The following APBB2 variants were observed in gnomAD, a reference collection of about 807,000 sequenced individuals.
The protein encoded by APBB2 is Fe65-like 1.
A neutral mutation model predicts 82.5 loss-of-function variants in APBB2; 38 were observed. The ratio of observed to expected loss-of-function variants is 0.46; its 90% CI spans 0.36 to 0.60. The LOEUF (loss-of-function observed/expected upper bound fraction) is 0.60, where lower values mean the gene tolerates loss of function less well. Ranked by LOEUF, APBB2 falls within the 20% of genes least tolerant of loss-of-function variation. APBB2 has a pLI of 0.00. For missense variants in APBB2, 772 were observed against 972.3 expected (o/e 0.79, Z 2.74); for synonymous variants, 341 against 368.2 (o/e 0.93, Z 0.85).
chr4:41,034,682 T>C (rs1332160043), intron 4 of APBB2, among the ~76,000 whole-genome samples: 1 of 152,236 alleles, frequency 6.6e-6, no homozygotes, highest in African/African-American at 2.4e-5. Flanking sequence ...CAAAGCATGA[T>C]CTAATTTGAG....
chr4:40,897,871 T>C (rs1774142418), intron 10 of APBB2, among the ~76,000 whole-genome samples: 1 of 152,116 alleles, frequency 6.6e-6, no homozygotes, highest in African/African-American at 2.4e-5. Context: ...TGGGAATAAA[T>C]GCTCATCTTG....
chr4:40,824,362 C>T (rs1415572660), intron 15 of APBB2, among the ~76,000 whole-genome samples: 1 of 152,108 alleles, frequency 6.6e-6, no homozygotes, highest in Non-Finnish European at 1.5e-5. Flanking sequence ...CCAGCTGTTT[C>T]CACAGTTTTT....
intron 4 of APBB2, among the ~76,000 whole-genome samples, chr4:41,034,606 T>A (rs935939315): frequency 6.6e-6 from 1 of 152,240 alleles, no homozygotes; most frequent in African/African-American, 2.4e-5. Flanking sequence ...ATTACAGGTG[T>A]GAGTCACGAC....
At chr4:40,823,914 A>G (rs1748892702) in intron 15 of APBB2, among the ~76,000 whole-genome samples, 155 bp from the exon 16 acceptor site, 1 of 152,196 alleles carries the variant, frequency 6.6e-6, no homozygotes, top group African/African-American at 2.4e-5. Flanking sequence ...ATGAAATACC[A>G]GCTTCTGGCC....
intron 12 of APBB2, among the ~76,000 whole-genome samples, chr4:40,838,497 G>T (rs1312676440): frequency 6.6e-6 from 1 of 152,070 alleles, no homozygotes; most frequent in Non-Finnish European, 1.5e-5. Flanking sequence ...CACCACACTT[G>T]GCTAATTTTT....
At chr4:40,979,775 T>C (rs971317734) in intron 6 of APBB2, among the ~76,000 whole-genome samples, 3 of 152,180 alleles carry the variant, frequency 2.0e-5, no homozygotes, top group African/African-American at 7.2e-5. Context: ...ACAAGTGTGC[T>C]TGGAAGAGGA....
intron 1 of APBB2, among the ~76,000 whole-genome samples, chr4:41,202,119 T>G (rs1368965760): frequency 1.3e-5 from 2 of 152,222 alleles, no homozygotes; most frequent in East Asian, 1.9e-4. Context: ...TCTGCAGCAT[T>G]AAGTACATTC....
intron 10 of APBB2, among the ~76,000 whole-genome samples, chr4:40,922,764 C>T (rs1055287734): frequency 6.6e-6 from 1 of 151,462 alleles, no homozygotes; most frequent in African/African-American, 2.4e-5. Context: ...GTGTATTCTA[C>T]CACATCCAGC....
intron 12 of APBB2, among the ~76,000 whole-genome samples, chr4:40,849,690 G>GAA (rs938248474): frequency 1.5e-4 from 22 of 149,774 alleles, no homozygotes; most frequent in African/African-American, 4.9e-4. Flanking sequence ...GATACAGTTT[G>GAA]AAAGAATATG....
intron 1 of APBB2, among the ~76,000 whole-genome samples, chr4:41,167,249 G>A (rs956997202): frequency 3.9e-5 from 6 of 152,262 alleles, no homozygotes; most frequent in South Asian, 4.1e-4. Context: ...CCAGAAGCTC[G>A]CCAAATCTCA....
intron 6 of APBB2, among the ~76,000 whole-genome samples, chr4:40,952,860 C>A (rs1234014183): frequency 6.6e-6 from 1 of 152,186 alleles, no homozygotes; most frequent in Non-Finnish European, 1.5e-5. Context: ...GTATCACGCG[C>A]CCTGTGTCCT....
At chr4:41,008,988 G>A (rs1319185786) in intron 6 of APBB2, among the ~76,000 whole-genome samples, 1 of 152,166 alleles carries the variant, frequency 6.6e-6, no homozygotes, top group Non-Finnish European at 1.5e-5. Flanking sequence ...GATCCATCTA[G>A]TTTCATACTC....
chr4:40,818,350 A>G (rs1746538814), intron 17 of APBB2, among the ~76,000 whole-genome samples: 1 of 152,196 alleles, frequency 6.6e-6, no homozygotes, highest in Non-Finnish European at 1.5e-5. Context: ...CAAATGAGTA[A>G]AAGTTGTTTC....
In APBB2 at chr4:41,020,933, C is replaced by G. The variant is rs760855929; in HGVS notation, c.20-6535G>C. On this transcript the variant is annotated intron_variant, in intron 5 of 17. Transcript: ENST00000508593. ...GGTCAGGGATAGTAAGAGATGCCGC[C>G]CAGCGTTTACAGGAAAAGGCTTCTG... 3.9e-5 allele frequency among the ~76,000 whole-genome samples: 6 copies of G among 152,122 alleles called. 1 individual carries two copies. Among genetic ancestry groups the G allele is most frequent in the Admixed American group, 2.0e-4 (3 of 15,284 alleles).
intron 6 of APBB2, among the ~76,000 whole-genome samples, chr4:40,994,541 C>T (rs1416736252): frequency 1.3e-5 from 2 of 151,948 alleles, no homozygotes; most frequent in Non-Finnish European, 2.9e-5. Flanking sequence ...GGGCCGGGTG[C>T]AGTGACTCAT....
chr4:41,138,857 C>G (rs1758319774), intron 2 of APBB2, among the ~76,000 whole-genome samples: 1 of 152,128 alleles, frequency 6.6e-6, no homozygotes, highest in South Asian at 2.1e-4. Context: ...ACATAAAAAA[C>G]TATCAGTACT....
chr4:41,013,986 A>G lies in APBB2; in HGVS notation c.432T>C (p.Asp144=), dbSNP rs1809155899. The G allele has an allele frequency of 1.2e-6, 2 of 1,614,080 alleles. No homozygotes were observed. The highest frequency in any genetic ancestry group is 1.3e-5 in the African/African-American group (1 of 74,942). ...AGGGTAAAATCTCACAGCTCGAGGA[A>G]TCCTGTGGGTGGGGCTCTTTACCCT... is the stretch of plus-strand genomic sequence containing the variant. ...KLEGKEPHPQ[D]SSSCEILPSQ... is the part of the protein sequence containing the mutation. Residue 144 remains aspartate, a synonymous_variant, in exon 6 of 18, where the codon GAT becomes GAC. Coordinates refer to ENST00000508593, the MANE Select transcript of APBB2 (RefSeq NM_004307.2).
At chr4:40,891,325 A>C (rs1312448209) in intron 11 of APBB2, among the ~76,000 whole-genome samples, 2 of 152,022 alleles carry the variant, frequency 1.3e-5, no homozygotes, top group Non-Finnish European at 2.9e-5. Flanking sequence ...ATTCAACTTG[A>C]TTCCCCCTGC....
At chr4:40,843,667 T>C (rs1320029673) in intron 12 of APBB2, among the ~76,000 whole-genome samples, 1 of 152,208 alleles carries the variant, frequency 6.6e-6, no homozygotes, top group Non-Finnish European at 1.5e-5. Context: ...AGGAAAGCCA[T>C]TGTGATCAGC....
Sources: allele counts gnomAD v4.1 joint callset (sites outside exome capture counted in the v4.1 genomes callset), GRCh38; gene constraint gnomAD v4.1.1; transcripts MANE v1.5; gene names NCBI Gene and HGNC (gene_info 2026-07-23, HGNC 2026-07-21).